BPI: variants seen among roughly 807,000 people sequenced by gnomAD.
The protein encoded by BPI is bactericidal permeability increasing protein, also known as bactericidal permeability-increasing protein.
Under a neutral mutation model 57.6 loss-of-function variants are expected in BPI, and 48 were observed. The observed-to-expected ratio is 0.83, with a 90% CI of 0.66 to 1.06. The LOEUF (loss-of-function observed/expected upper bound fraction) is 1.06. Ranked by LOEUF, BPI falls within the 50% of genes least tolerant of loss-of-function variation. The pLI is 0.00. For synonymous variants in BPI, 237 were observed against 238.2 expected (o/e 0.99, Z 0.05); for missense variants, 651 against 609.7 (o/e 1.07, Z -0.71).
Position 38,326,865 on chromosome 20 carries a change from A to G in BPI, c.1161+433A>G, listed in dbSNP as rs114046023. The stretch of plus-strand genomic sequence containing the variant: ...TTCTGATTCCCACTTGCACTCATTT[A>G]TTCAATTATTCATTTACTTATACCT... On this transcript the variant is annotated intron_variant, in intron 10 of 14. Coordinates refer to ENST00000642449, the MANE Select transcript of BPI (RefSeq NM_001725.3). Among the ~76,000 whole-genome samples, 1,182 of 152,300 alleles carry G rather than the reference A, an allele frequency of 7.8e-3. 21 individuals are homozygous for G. The highest frequency in any genetic ancestry group is 0.026 in the African/African-American group (1,096 of 41,562).
intron 5 of BPI, chr20:38,317,793 A>G: frequency 2.1e-6 from 3 of 1,462,326 alleles, no homozygotes; most frequent in Non-Finnish European, 2.8e-6. Context: ...GATAAATGGA[A>G]CAACTTCCTC....
At chr20:38,313,377 C>G (rs1282015714) in intron 5 of BPI, among the ~76,000 whole-genome samples, 28 of 103,016 alleles carry the variant, frequency 2.7e-4, no homozygotes, top group Admixed American at 9.7e-4. Context: ...GAGTGAAACC[C>G]TGTCTCAAAA....
chr20:38,312,702 AC>A (rs1176461924), intron 5 of BPI, among the ~76,000 whole-genome samples: 14 of 152,324 alleles, frequency 9.2e-5, no homozygotes, highest in Admixed American at 7.2e-4. Flanking sequence ...CAAGGAGACC[AC>A]TGAGGAGTCT....
chr20:38,330,976 C>T, intron 11 of BPI, 72 bp from the exon 12 acceptor site: 3 of 1,558,498 alleles, frequency 1.9e-6, no homozygotes, highest in East Asian at 2.2e-5. Flanking sequence ...GTGGGTCTCT[C>T]CTCTCTAGAG....
chr20:38,314,739 G>C (rs1017705082), intron 5 of BPI, among the ~76,000 whole-genome samples: 4 of 144,650 alleles, frequency 2.8e-5, no homozygotes, highest in Non-Finnish European at 6.0e-5. Flanking sequence ...GATGGTGATG[G>C]TGGGGATGAT....
chr20:38,313,400 A>T (rs1351645146), intron 5 of BPI, among the ~76,000 whole-genome samples: 3 of 150,916 alleles, frequency 2.0e-5, no homozygotes, highest in African/African-American at 4.9e-5. Flanking sequence ...AAAAAAAAAA[A>T]AAAAAAAAAA....
chr20:38,305,291 G>A (rs2076591787), intron 1 of BPI, among the ~76,000 whole-genome samples: 1 of 152,200 alleles, frequency 6.6e-6, no homozygotes, highest in Non-Finnish European at 1.5e-5. Flanking sequence ...AAGGAGTATG[G>A]CCCTGAAGCC....
chr20:38,329,708 G>T (rs1009951394), intron 11 of BPI, among the ~76,000 whole-genome samples: 9 of 145,724 alleles, frequency 6.2e-5, no homozygotes, highest in South Asian at 2.3e-4. Flanking sequence ...TCGAAACCCT[G>T]CTTTATTTTA....
chr20:38,335,741 A>T, intron 14 of BPI, 67 bp downstream of exon 14: 1 of 1,481,744 alleles, frequency 6.7e-7, no homozygotes, highest in Non-Finnish European at 9.4e-7. Flanking sequence ...CTATGGCTGC[A>T]ATGCTTCCTG....
In BPI at chr20:38,307,570, G is replaced by A. The variant is rs780442175; in HGVS notation, c.134G>A (p.Ser45Asn). 3 of 1,600,912 alleles carry A rather than the reference G, an allele frequency of 1.9e-6. No individual in the cohort carries two copies. Among genetic ancestry groups the A allele is most frequent in the Non-Finnish European group, 2.6e-6 (3 of 1,174,690 alleles). ...RISQKGLDYA[S>N]QQGTAALQKE... ...CACCCCTGCCTTCTCCCTTCAGCCAGCCAGCAGGGGACGGCCGCTCTGCAG... is the reference window on the plus strand; with the variant it reads ...CACCCCTGCCTTCTCCCTTCAGCCAACCAGCAGGGGACGGCCGCTCTGCAG... The change falls in exon 2 of 15, where the codon AGC (serine) becomes AAC (asparagine). Residue 45 changes from serine (S) to asparagine (N), a missense_variant. Ser to Asn is a conservative substitution (Grantham distance 46, BLOSUM62 1). Transcript: ENST00000642449.
In BPI at chr20:38,307,200, AAAC is replaced by A. The variant is rs910168923; in HGVS notation, c.131-358_131-356del. On this transcript the variant is annotated intron_variant, in intron 1 of 14. Coordinates refer to ENST00000642449, the MANE Select transcript of BPI (RefSeq NM_001725.3). ...GGCGACACAGCGAGACCCTGTCTCA[AAAC>A]AACAACAAAAGAAGAAAAATACTAT... 1.3e-3 allele frequency among the ~76,000 whole-genome samples: 203 copies of A among 152,296 alleles called. 2 individuals are homozygous for A. The highest frequency in any genetic ancestry group is 4.8e-3 in the African/African-American group (198 of 41,546).
chr20:38,321,450 C>T (rs2076685267), intron 7 of BPI, among the ~76,000 whole-genome samples: 1 of 152,128 alleles, frequency 6.6e-6, no homozygotes, highest in Admixed American at 6.5e-5. Flanking sequence ...CCTGGTACTC[C>T]TTTCCTTCCC....
At chr20:38,330,352 G>A (rs373542333) in intron 11 of BPI, among the ~76,000 whole-genome samples, 70 of 152,286 alleles carry the variant, frequency 4.6e-4, no homozygotes, top group African/African-American at 1.7e-3. Context: ...TGAGAGTAAT[G>A]GCCCTTGCCT....
chr20:38,334,000 A>C (rs575235604), intron 12 of BPI, among the ~76,000 whole-genome samples: 2 of 151,654 alleles, frequency 1.3e-5, no homozygotes, highest in South Asian at 2.1e-4. Flanking sequence ...TGAACCACCA[A>C]GCCCAACCAG....
At chr20:38,329,198 GAGAA>G (rs2122556642) in intron 11 of BPI, among the ~76,000 whole-genome samples, 1 of 152,176 alleles carries the variant, frequency 6.6e-6, no homozygotes, top group South Asian at 2.1e-4. Flanking sequence ...GAGACACTCA[GAGAA>G]ACAGAGGGAG....
At chr20:38,332,359 T>C (rs2076747137) in intron 12 of BPI, among the ~76,000 whole-genome samples, 1 of 152,164 alleles carries the variant, frequency 6.6e-6, no homozygotes, top group African/African-American at 2.4e-5. Flanking sequence ...CGTGAGATGC[T>C]GGAGGTTGGG....
chr20:38,327,731 T>A, intron 11 of BPI, 76 bp downstream of exon 11: 2 of 1,507,388 alleles, frequency 1.3e-6, no homozygotes, highest in Non-Finnish European at 1.8e-6. Flanking sequence ...GGTCCTGTGA[T>A]ATACAGAAGC....
Position 38,337,228 on chromosome 20 carries a change from A to G in BPI, c.*44A>G. 3.3e-6 allele frequency: 5 copies of G among 1,537,126 alleles called. No individual in the cohort carries two copies. The East Asian group carries it at 9.7e-5, about 30-fold the overall frequency. On this transcript the variant is annotated 3_prime_UTR_variant, in exon 15 of 15. Transcript: ENST00000642449. ...GGGCTGTCAGCCACACCTGTTCCTGATGGGCTGTGGGGCACCGGCTGCCTT... is the reference window on the plus strand; with the variant it reads ...GGGCTGTCAGCCACACCTGTTCCTGGTGGGCTGTGGGGCACCGGCTGCCTT...
chr20:38,326,022 A>G (rs1420574320), intron 9 of BPI, among the ~76,000 whole-genome samples: 1 of 152,188 alleles, frequency 6.6e-6, no homozygotes, highest in Non-Finnish European at 1.5e-5. Flanking sequence ...AGATGGCAAG[A>G]GAGCTTGTTG....
Sources: gnomAD v4.1 joint callset for allele counts (sites outside exome capture counted in the v4.1 genomes callset) on GRCh38, gnomAD v4.1.1 for gene constraint, MANE v1.5 for transcripts, NCBI Gene and HGNC (gene_info 2026-07-23, HGNC 2026-07-21) for gene names.